Variants in SEMA6D observed in about 807,000 individuals in gnomAD.
SEMA6D encodes semaphorin-6D.
Under a neutral mutation model 106.6 loss-of-function variants are expected in SEMA6D, and 35 were observed. The observed-to-expected ratio is 0.33, with a 90% CI of 0.25 to 0.44. SEMA6D has a LOEUF of 0.44. Among genes scored for constraint, SEMA6D ranks in the 20% least tolerant of loss-of-function variants. The pLI, the probability that SEMA6D is intolerant of heterozygous loss-of-function variation, is 1.00. For missense variants in SEMA6D, 1,185 were observed against 1,345.9 expected (o/e 0.88, Z 1.87); for synonymous variants, 499 against 487.7 (o/e 1.02, Z -0.31).
chr15:47,362,582 A>G (rs562173221), intron 1 of SEMA6D, among the ~76,000 whole-genome samples: 6 of 152,134 alleles, frequency 3.9e-5, no homozygotes, highest in Non-Finnish European at 8.8e-5. Context: ...GCCAGCCCCA[A>G]AGAAATCTAC....
At chr15:47,434,536 G>T (rs1489830758) in intron 2 of SEMA6D, among the ~76,000 whole-genome samples, 1 of 152,012 alleles carries the variant, frequency 6.6e-6, no homozygotes, top group Non-Finnish European at 1.5e-5. Context: ...AAGCTTCCAT[G>T]ATCAGTGATA....
intron 1 of SEMA6D, among the ~76,000 whole-genome samples, chr15:47,188,780 C>T (rs1353575062): frequency 6.6e-6 from 1 of 152,102 alleles, no homozygotes; most frequent in African/African-American, 2.4e-5. Flanking sequence ...ACAATCAAGC[C>T]TGCAAGTAGT....
At chr15:47,260,851 A>C (rs34218889) in intron 1 of SEMA6D, among the ~76,000 whole-genome samples, 6 of 151,902 alleles carry the variant, frequency 3.9e-5, no homozygotes, top group African/African-American at 1.5e-4. Flanking sequence ...TGCCAGTCTC[A>C]TCTGGTGTTA....
intron 3 of SEMA6D, among the ~76,000 whole-genome samples, chr15:47,479,862 A>ATT (rs2043103472): frequency 7.2e-6 from 1 of 138,298 alleles, no homozygotes; most frequent in African/African-American, 2.9e-5. Flanking sequence ...TTTTCTTATC[A>ATT]TTCTTTTTTT....
intron 2 of SEMA6D, among the ~76,000 whole-genome samples, chr15:47,421,318 G>T (rs2041146795): frequency 6.6e-6 from 1 of 152,052 alleles, no homozygotes. Flanking sequence ...ACTGGTGTCT[G>T]GCTTTGCTAC....
In SEMA6D at chr15:47,508,956, C is replaced by CG. The variant is rs1358179758; in HGVS notation, c.-87+38417dup. On this transcript the variant is annotated intron_variant, in intron 3 of 19. Coordinates refer to the SEMA6D transcript ENST00000558014. ...CTATATTTCTGCTGGTTTTTTTTTG[C>CG]GGGGGGAGACAGAACTGAAACTCAG... Among the ~76,000 whole-genome samples, 7 of 151,168 alleles carry CG rather than the reference C, an allele frequency of 4.6e-5. No individual in the cohort carries two copies. In the East Asian group the frequency reaches 1.2e-3, roughly 25 times the overall value.
chr15:47,436,695 TCAAG>T (rs1450110589), intron 2 of SEMA6D, among the ~76,000 whole-genome samples: 1 of 148,948 alleles, frequency 6.7e-6, no homozygotes, highest in African/African-American at 2.5e-5. Context: ...CTTTGGGAAG[TCAAG>T]GCCAAAGGAT....
At chr15:47,231,482 C>G (rs1471832501) in intron 1 of SEMA6D, among the ~76,000 whole-genome samples, 1 of 151,948 alleles carries the variant, frequency 6.6e-6, no homozygotes, top group Admixed American at 6.6e-5. Flanking sequence ...ATTACCTTCA[C>G]TAAAATCCAC....
chr15:47,683,569 T>C (rs1359590316), intron 4 of SEMA6D, among the ~76,000 whole-genome samples: 1 of 152,260 alleles, frequency 6.6e-6, no homozygotes, highest in Admixed American at 6.5e-5. Context: ...TTGTATCTAC[T>C]GTTTTAACTG....
Position 47,731,710 on chromosome 15 carries a change from T to G in SEMA6D, c.-55+14018T>G, listed in dbSNP as rs2080135964. Among the ~76,000 whole-genome samples the G allele has an allele frequency of 2.6e-5, 4 of 152,216 alleles. No homozygotes were observed. The South Asian group carries it at 8.3e-4, about 32-fold the overall frequency. On this transcript the variant is annotated intron_variant, in intron 1 of 18. Transcript: ENST00000536845. ...TGCCATTTGATTTATTTTGTTGCCT[T>G]TTTCCACAATTATTCCTGCTGTCTT...
chr15:47,412,154 C>G (rs114725732), intron 1 of SEMA6D, among the ~76,000 whole-genome samples: 2,945 of 151,960 alleles, frequency 0.019, 96 homozygotes, highest in African/African-American at 0.068. Flanking sequence ...CATGAATAGC[C>G]TGTTTGCAAT....
intron 1 of SEMA6D, among the ~76,000 whole-genome samples, chr15:47,284,927 A>G (rs961264997): frequency 6.6e-6 from 1 of 152,172 alleles, no homozygotes; most frequent in African/African-American, 2.4e-5. Flanking sequence ...TTTGTGATAG[A>G]CAGTTCCTTG....
intron 2 of SEMA6D, among the ~76,000 whole-genome samples, chr15:47,414,351 T>A (rs1231682357): frequency 6.6e-6 from 1 of 152,166 alleles, no homozygotes; most frequent in Admixed American, 6.5e-5. Context: ...GAATTTAAGA[T>A]AACATCCTAA....
chr15:47,579,708 A>G (rs2076222683), intron 3 of SEMA6D, among the ~76,000 whole-genome samples: 2 of 152,174 alleles, frequency 1.3e-5, no homozygotes, highest in South Asian at 4.1e-4. Flanking sequence ...ATTTGCACTT[A>G]ATAAGACCAA....
At chr15:47,415,381 T>C (rs1451597937) in intron 2 of SEMA6D, among the ~76,000 whole-genome samples, 4 of 151,894 alleles carry the variant, frequency 2.6e-5, no homozygotes, top group African/African-American at 9.7e-5. Context: ...GTAAGGGGAG[T>C]AGAAAGGGTC....
chr15:47,218,105 T>C (rs2030837654), intron 1 of SEMA6D, among the ~76,000 whole-genome samples: 1 of 152,160 alleles, frequency 6.6e-6, no homozygotes, highest in Non-Finnish European at 1.5e-5. Context: ...ATTAACCTTT[T>C]AGAGCTTCTA....
At chr15:47,435,594 G>A (rs528775989) in intron 2 of SEMA6D, among the ~76,000 whole-genome samples, 36 of 152,190 alleles carry the variant, frequency 2.4e-4, no homozygotes, top group African/African-American at 8.4e-4. Flanking sequence ...CTCCAGCTCA[G>A]TGTGGCCAAT....
chr15:47,204,957 A>G (rs1894959658), intron 1 of SEMA6D, among the ~76,000 whole-genome samples: 1 of 152,138 alleles, frequency 6.6e-6, no homozygotes, highest in African/African-American at 2.4e-5. Context: ...AGAAGCTGTA[A>G]AAATGTCAGA....
chr15:47,228,893 C>A (rs1357882702), intron 1 of SEMA6D, among the ~76,000 whole-genome samples: 1 of 152,014 alleles, frequency 6.6e-6, no homozygotes, highest in African/African-American at 2.4e-5. Flanking sequence ...ATTATTCTCT[C>A]TGTATCCATC....
Sources: allele counts gnomAD v4.1 joint callset (sites outside exome capture counted in the v4.1 genomes callset), GRCh38; gene constraint gnomAD v4.1.1; transcripts MANE v1.5; gene names NCBI Gene and HGNC (gene_info 2026-07-23, HGNC 2026-07-21).